Variants in ANKS1B observed in about 807,000 individuals in gnomAD.
The protein encoded by ANKS1B is ankyrin repeat and sterile alpha motif domain-containing protein 1B.
A neutral mutation model predicts 148.3 loss-of-function variants in ANKS1B; 36 were observed. The ratio of observed to expected loss-of-function variants is 0.24; its 90% confidence interval spans 0.19 to 0.32. The LOEUF (loss-of-function observed/expected upper bound fraction) is 0.32, where lower values mean the gene tolerates loss of function less well. Ranked by LOEUF, ANKS1B falls within the 10% of genes least tolerant of loss-of-function variation. The pLI is 1.00. For missense variants in ANKS1B, 1,157 were observed against 1,542.6 expected, an observed-to-expected ratio of 0.75 and a Z score of 4.19; for synonymous variants, 542 against 560.8, an observed-to-expected ratio of 0.97 and a Z score of 0.47.
chr12:99,319,146 T>C (rs1301213860), intron 12 of ANKS1B, among the ~76,000 whole-genome samples: 1 of 152,210 alleles, frequency 6.6e-6, no homozygotes, highest in Non-Finnish European at 1.5e-5. Context: ...GAATGTATAT[T>C]CTCTTGATTT....
Position 99,422,762 on chromosome 12 carries a change from G to A in ANKS1B, c.1575+20911C>T, listed in dbSNP as rs187560364. Among the ~76,000 whole-genome samples the A allele has an allele frequency of 3.3e-5, 5 of 152,270 alleles. No homozygotes were observed. The South Asian group carries it at 1.0e-3, about 32-fold the overall frequency. On this transcript the variant is annotated intron_variant, in intron 11 of 26. Transcript: ENST00000683438. ...ATAGCTATGGGAGATACTATTCTAT[G>A]ATGGCATTGACTTGAGTACATTAAA...
chr12:98,848,336 A>T (rs2099494933), intron 17 of ANKS1B, among the ~76,000 whole-genome samples: 1 of 152,206 alleles, frequency 6.6e-6, no homozygotes, highest in African/African-American at 2.4e-5. Flanking sequence ...TTATTCTTAT[A>T]TTGCCCTAGA....
intron 9 of ANKS1B, among the ~76,000 whole-genome samples, chr12:99,623,906 T>C (rs1341145027): frequency 6.6e-6 from 1 of 151,982 alleles, no homozygotes; most frequent in East Asian, 1.9e-4. Flanking sequence ...AAAAAACTAC[T>C]CTAAAATTCA....
At chr12:99,287,055 A>G (rs570813459) in intron 12 of ANKS1B, among the ~76,000 whole-genome samples, 5 of 152,236 alleles carry the variant, frequency 3.3e-5, no homozygotes, top group South Asian at 2.1e-4. Context: ...TTGAGTGAGC[A>G]TCGGTGGTAG....
intron 10 of ANKS1B, among the ~76,000 whole-genome samples, chr12:99,491,513 A>T (rs917287475): frequency 2.0e-5 from 3 of 151,988 alleles, no homozygotes; most frequent in African/African-American, 7.3e-5. Flanking sequence ...TCCAATACTT[A>T]TTTATTCTGA....
intron 14 of ANKS1B, among the ~76,000 whole-genome samples, chr12:99,211,799 C>T (rs1486943244): frequency 6.6e-6 from 1 of 152,116 alleles, no homozygotes; most frequent in Admixed American, 6.6e-5. Flanking sequence ...AGCCTGTGGC[C>T]AGAGGAGACC....
chr12:99,955,440 T>C (rs113582787), intron 1 of ANKS1B, among the ~76,000 whole-genome samples: 30,633 of 133,666 alleles, frequency 0.23, 3,390 homozygotes, highest in Middle Eastern at 0.29. Context: ...TTGCAGTGAG[T>C]CGAGATCGCG....
intron 8 of ANKS1B, among the ~76,000 whole-genome samples, chr12:99,693,820 A>G (rs1363108481): frequency 7.0e-6 from 1 of 142,242 alleles, no homozygotes; most frequent in Non-Finnish European, 1.5e-5. Flanking sequence ...TCGCTCTGTC[A>G]CCCAGGCTGG....
intron 1 of ANKS1B, among the ~76,000 whole-genome samples, chr12:99,947,123 C>A (rs2095083917): frequency 6.6e-6 from 1 of 152,042 alleles, no homozygotes; most frequent in Non-Finnish European, 1.5e-5. Context: ...CTCTTCTCTT[C>A]AAATCCTGTT....
chr12:99,317,567 A>C (rs1460177914), intron 12 of ANKS1B, among the ~76,000 whole-genome samples: 1 of 152,192 alleles, frequency 6.6e-6, no homozygotes, highest in East Asian at 1.9e-4. Flanking sequence ...TTTTGGGCTG[A>C]GACAATGGGG....
chr12:99,905,306 A>G (rs1201653499), intron 1 of ANKS1B, among the ~76,000 whole-genome samples: 2 of 152,206 alleles, frequency 1.3e-5, no homozygotes. Flanking sequence ...ACATCCAGAG[A>G]CCATGGAAGG....
chr12:98,896,697 T>A (rs1246620333), intron 17 of ANKS1B, among the ~76,000 whole-genome samples: 2 of 152,248 alleles, frequency 1.3e-5, no homozygotes, highest in Admixed American at 6.5e-5. Flanking sequence ...ACTGGTGTAC[T>A]CTTTGATAAA....
At chr12:99,572,692 A>T (rs541048002) in intron 9 of ANKS1B, among the ~76,000 whole-genome samples, 10 of 148,474 alleles carry the variant, frequency 6.7e-5, no homozygotes, top group African/African-American at 2.6e-4. Flanking sequence ...ATTTTGAGGC[A>T]GCATTAAATG....
At chr12:99,526,573 T>C (rs74397776) in intron 9 of ANKS1B, among the ~76,000 whole-genome samples, 6,801 of 152,252 alleles carry the variant, frequency 0.045, 426 homozygotes, top group African/African-American at 0.14. Context: ...TCGTCTGAGC[T>C]GTGAATGGGT....
chr12:99,350,518 G>A (rs191819616), intron 12 of ANKS1B, among the ~76,000 whole-genome samples: 1 of 152,148 alleles, frequency 6.6e-6, no homozygotes, highest in Non-Finnish European at 1.5e-5. Flanking sequence ...TCTGAGGCAG[G>A]AGGGTATAAG....
intron 17 of ANKS1B, among the ~76,000 whole-genome samples, chr12:98,834,653 C>CGTG (rs2099351816): frequency 6.6e-6 from 1 of 152,174 alleles, no homozygotes; most frequent in Non-Finnish European, 1.5e-5. Context: ...TGGCATTTCA[C>CGTG]TACCTGGAAG....
chr12:99,550,345 C>T (rs1035703354), intron 9 of ANKS1B, among the ~76,000 whole-genome samples: 6 of 152,150 alleles, frequency 3.9e-5, no homozygotes. Context: ...AATTTCCAAT[C>T]AAGCGCGGTG....
intron 9 of ANKS1B, chr12:99,649,483 A>G: frequency 9.1e-7 from 1 of 1,093,532 alleles, no homozygotes; most frequent in Non-Finnish European, 1.4e-6. Flanking sequence ...ATGAAGGGGC[A>G]GGGTAGCAAC....
intron 14 of ANKS1B, among the ~76,000 whole-genome samples, chr12:99,181,576 T>C (rs572373806): frequency 2.0e-5 from 3 of 152,242 alleles, no homozygotes; most frequent in Admixed American, 2.0e-4. Flanking sequence ...TAATTTGAAA[T>C]TTTCATATTC....
Sources: gnomAD v4.1 joint callset for allele counts (sites outside exome capture counted in the v4.1 genomes callset) on GRCh38, gnomAD v4.1.1 for gene constraint, MANE v1.5 for transcripts, NCBI Gene and HGNC (gene_info 2026-07-23, HGNC 2026-07-21) for gene names.